TRIM54: variants seen among roughly 807,000 people sequenced by gnomAD.
The protein encoded by TRIM54 is tripartite motif containing 54, also known as tripartite motif-containing protein 54.
Under a neutral mutation model 42.0 loss-of-function variants are expected in TRIM54, and 40 were observed. The observed-to-expected ratio is 0.95, with a 90% confidence interval of 0.74 to 1.24. TRIM54 has a LOEUF of 1.24. Among genes scored for constraint, TRIM54 ranks in the 50% most tolerant of loss-of-function variants. The probability of loss-of-function intolerance (pLI) is 0.00; values close to 1 mark genes in which losing one functional copy is unlikely to be tolerated. For synonymous variants in TRIM54, 199 were observed against 194.9 expected (o/e 1.02, Z -0.17); for missense variants, 485 against 480.3 (o/e 1.01, Z -0.09).
intron 1 of TRIM54, among the ~76,000 whole-genome samples, chr2:27,286,734 C>G (rs1678571427): frequency 6.6e-6 from 1 of 152,138 alleles, no homozygotes; most frequent in South Asian, 2.1e-4. Context: ...GAGGGACTTG[C>G]AGAGGGGGGA....
intron 3 of TRIM54, among the ~76,000 whole-genome samples, chr2:27,302,958 G>A (rs1315220968): frequency 2.6e-5 from 4 of 152,142 alleles, no homozygotes; most frequent in Non-Finnish European, 4.4e-5. Flanking sequence ...GATAAAATTC[G>A]ATAATGGATG....
chr2:27,298,485 C>G, intron 1 of TRIM54, 82 bp from the exon 2 acceptor site: 1 of 1,098,648 alleles, frequency 9.1e-7, no homozygotes, highest in Non-Finnish European at 1.3e-6. Flanking sequence ...TACTCCCTAG[C>G]CCCCAAGCCC....
At chr2:27,289,099 T>C (rs1434883194) in intron 1 of TRIM54, among the ~76,000 whole-genome samples, 1 of 152,144 alleles carries the variant, frequency 6.6e-6, no homozygotes, top group African/African-American at 2.4e-5. Context: ...TCCCTTAGAG[T>C]ATAAAATCGT....
At chr2:27,305,509 C>T in intron 4 of TRIM54, 75 bp from the exon 5 acceptor site, 1 of 1,288,838 alleles carries the variant, frequency 7.8e-7, no homozygotes, top group South Asian at 1.4e-5. Flanking sequence ...TGTTGGTTCT[C>T]TGTGAGTACC....
At chr2:27,295,853 C>A (rs894474581) in intron 1 of TRIM54, among the ~76,000 whole-genome samples, 1 of 152,194 alleles carries the variant, frequency 6.6e-6, no homozygotes, top group Non-Finnish European at 1.5e-5. Context: ...CACTTGGGTT[C>A]TAAATATTGA....
chr2:27,299,510 T>G lies in TRIM54; in HGVS notation c.513+94T>G, dbSNP rs916048706. The G allele has an allele frequency of 1.0e-5, 16 of 1,541,104 alleles. No homozygotes were observed. The Admixed American group carries it at 2.2e-4, about 21-fold the overall frequency. ...CTTACTCCACTTATCTTTTGTTTACTTATTTCTTTATTTATTTAGAAACAG... is the reference window on the plus strand; with the variant it reads ...CTTACTCCACTTATCTTTTGTTTACGTATTTCTTTATTTATTTAGAAACAG... On this transcript the variant is annotated intron_variant, in intron 3 of 8. Transcript: ENST00000380075.
chr2:27,305,273 T>C, intron 4 of TRIM54: 1 of 594,074 alleles, frequency 1.7e-6, no homozygotes, highest in Non-Finnish European at 3.0e-6. Context: ...TGCTTTGGTT[T>C]TGTTTAACCT....
Position 27,298,628 on chromosome 2 carries a change from G to C in TRIM54, c.230G>C (p.Arg77Pro). The change falls in exon 2 of 9, where the codon CGC (arginine) becomes CCC (proline). Residue 77 changes from arginine to proline, a missense_variant. Transcript: ENST00000380075. ...STTVSSGGRF[R>P]CPSCRHEVVL... ...ACTGTGTCTTCAGGAGGCCGTTTCCGCTGCCCATCGTGCAGGCATGAGGTT... is the reference window on the plus strand; with the variant it reads ...ACTGTGTCTTCAGGAGGCCGTTTCCCCTGCCCATCGTGCAGGCATGAGGTT... 2.5e-6 allele frequency: 4 copies of C among 1,614,120 alleles called. No homozygotes were observed. The highest frequency in any genetic ancestry group is 3.4e-6 in the Non-Finnish European group (4 of 1,180,012).
At chr2:27,283,327 C>T (rs1057365384) in intron 1 of TRIM54, among the ~76,000 whole-genome samples, 5 of 152,038 alleles carry the variant, frequency 3.3e-5, no homozygotes, top group African/African-American at 1.2e-4. Flanking sequence ...AAAACCCGAC[C>T]CTGTGAGAAA....
intron 2 of TRIM54, 48 bp from the exon 3 acceptor site, chr2:27,299,197 G>C: frequency 6.2e-7 from 1 of 1,603,922 alleles, no homozygotes; most frequent in Non-Finnish European, 8.5e-7. Flanking sequence ...GGTATTCCTA[G>C]GACCCTTCAT....
rs748399665 is a variant in TRIM54 at position 27,299,397 on chromosome 2, C to A, written c.494C>A (p.Thr165Asn). The A allele has an allele frequency of 1.2e-5, 19 of 1,613,850 alleles. No homozygotes were observed. The highest frequency in any genetic ancestry group is 1.6e-5 in the Non-Finnish European group (19 of 1,180,004). Residue 165 changes from threonine (T) to asparagine (N), a missense_variant, in exon 3 of 9, where the codon ACC (threonine) becomes AAC (asparagine). By Grantham distance (65) the Thr-to-Asn change is moderately conservative. Transcript: ENST00000380075. ...HKDCEVAPLP[T>N]IYKRQKSELS... The stretch of plus-strand genomic sequence containing the variant: ...GACTGTGAGGTGGCCCCACTGCCCA[C>A]CATTTACAAACGCCAGAAGGTATCA...
Position 27,307,014 on chromosome 2 carries a change from G to C in TRIM54, c.*129G>C. On this transcript the variant is annotated 3_prime_UTR_variant, in exon 9 of 9. Coordinates refer to ENST00000380075, the MANE Select transcript of TRIM54 (RefSeq NM_187841.3). This position sits in a 1 kb window ranked among gnomAD's most constrained non-coding sequence, Gnocchi z 6.9. ...CTCAATAAAGAACTCGAGCGTCCCA[G>C]ACCCGTATCTCCTTTCGCTGCCCAA... 1 of 244,402 alleles carries C rather than the reference G, an allele frequency of 4.1e-6. No individual in the cohort carries two copies. 15.1% of individuals were successfully genotyped at this position (244,402 alleles called of 1,614,324 possible).
chr2:27,298,605 T>A lies in TRIM54; in HGVS notation c.207T>A (p.Thr69=), dbSNP rs765183675. The A allele has an allele frequency of 2.2e-5, 36 of 1,613,986 alleles. No homozygotes were observed. The highest frequency in any genetic ancestry group is 2.8e-5 in the Non-Finnish European group (33 of 1,180,014). ...TATGGCAGTCCCGGGGCTCCACCAC[T>A]GTGTCTTCAGGAGGCCGTTTCCGCT... The part of the protein sequence containing the change: ...NPLWQSRGST[T]VSSGGRFRCP... Residue 69 remains threonine (T), a synonymous_variant, in exon 2 of 9, where the codon ACT becomes ACA. Transcript: ENST00000380075.
intron 1 of TRIM54, among the ~76,000 whole-genome samples, chr2:27,294,555 C>T (rs1029462574): frequency 1.3e-5 from 2 of 152,136 alleles, no homozygotes; most frequent in African/African-American, 4.8e-5. Context: ...TTTAATTTCA[C>T]TGAGACACAA....
In TRIM54 at chr2:27,299,675, CCTATCTATCTAT is replaced by C. The variant is rs112702645; in HGVS notation, c.513+289_513+300del. The C allele has an allele frequency of 3.6e-3, 2,081 of 579,706 alleles. 39 individuals carry two copies. In the East Asian group the frequency reaches 0.043, roughly 12 times the overall value. The allele number at this position is 579,706 out of a possible 1,614,324, so 35.9% of individuals were successfully genotyped here. ...ATAGATGTGAGCCACCGCACTCAGCCCTATCTATCTATCTATCTATCTATCTATCTATCTATC... is the reference window on the plus strand; with the variant it reads ...ATAGATGTGAGCCACCGCACTCAGCCCTATCTATCTATCTATCTATCTATC... On this transcript the variant is annotated intron_variant, in intron 3 of 8. Coordinates refer to ENST00000380075, the MANE Select transcript of TRIM54 (RefSeq NM_187841.3).
At position 27,288,008 on chromosome 2, in the gene TRIM54, T is replaced by C. The variant is rs1440813724; in HGVS notation, c.168+5109T>C. Among the ~76,000 whole-genome samples the C allele has an allele frequency of 2.0e-5, 3 of 152,250 alleles. No individual in the cohort carries two copies. The South Asian group carries it at 6.2e-4, about 31-fold the overall frequency. On this transcript the variant is annotated intron_variant, in intron 1 of 8. Transcript: ENST00000380075. ...CAGTAGGGCTTGGTTTACCAGCCCC[T>C]TGGGCCAAGCTCTTCCCTAGGTTCT...
chr2:27,298,010 G>T (rs1678910780), intron 1 of TRIM54, among the ~76,000 whole-genome samples: 1 of 151,304 alleles, frequency 6.6e-6, no homozygotes, highest in African/African-American at 2.4e-5. Flanking sequence ...AAGGCCGGGG[G>T]GAGGGCATCA....
intron 3 of TRIM54, among the ~76,000 whole-genome samples, chr2:27,300,217 G>C (rs886088851): frequency 4.6e-5 from 7 of 152,058 alleles, no homozygotes; most frequent in Admixed American, 6.6e-5. Flanking sequence ...TGTTGCCCAG[G>C]CTGGAGTGCA....
intron 2 of TRIM54, among the ~76,000 whole-genome samples, 161 bp from the exon 3 acceptor site, chr2:27,299,084 T>A (rs1464679068): frequency 6.6e-6 from 1 of 152,188 alleles, no homozygotes. Context: ...TAGCTCCTTC[T>A]GTTCCCCAAA....
Sources: gnomAD v4.1 joint callset for allele counts (sites outside exome capture counted in the v4.1 genomes callset) on GRCh38, gnomAD v4.1.1 for gene constraint, Gnocchi (gnomAD v3.1) non-coding constraint, MANE v1.5 for transcripts, NCBI Gene and HGNC (gene_info 2026-07-23, HGNC 2026-07-21) for gene names.